Variants in GNG7 observed in about 807,000 individuals in gnomAD.
GNG7 encodes guanine nucleotide-binding protein G(I)/G(S)/G(O) subunit gamma-7.
GNG7 carries 1 observed loss-of-function variant against 4.0 expected under a neutral mutation model. The observed-to-expected ratio is 0.25, with a 90% CI of 0.09 to 1.18. The LOEUF (loss-of-function observed/expected upper bound fraction) is 1.18, where lower values mean the gene tolerates loss of function less well. Ranked by LOEUF, GNG7 falls within the 50% of genes most tolerant of loss-of-function variation. The pLI, the probability that GNG7 is intolerant of heterozygous loss-of-function variation, is 0.50. For missense variants in GNG7, 86 were observed against 91.9 expected (o/e 0.94, Z 0.26); for synonymous variants, 34 against 36.9 (o/e 0.92, Z 0.29).
intron 2 of GNG7, among the ~76,000 whole-genome samples, chr19:2,604,029 T>G (rs1405605870): frequency 6.6e-6 from 1 of 152,006 alleles, no homozygotes; most frequent in Non-Finnish European, 1.5e-5. Flanking sequence ...TTTTTGTATT[T>G]TTAGTAGAGA....
chr19:2,661,341 A>AAAGGAAGG (rs1568277874), intron 1 of GNG7, among the ~76,000 whole-genome samples: 1 of 148,980 alleles, frequency 6.7e-6, no homozygotes, highest in African/African-American at 2.5e-5. Flanking sequence ...AGAAAGAAAG[A>AAAGGAAGG]AAGAAAGAAA....
At chr19:2,657,361 A>AAAAAAAAAATATATATATAT (rs1555701153) in intron 1 of GNG7, among the ~76,000 whole-genome samples, 1 of 16,336 alleles carries the variant, frequency 6.1e-5, no homozygotes, top group Non-Finnish European at 1.0e-4. Flanking sequence ...AAAAAAAAAA[A>AAAAAAAAAATATATATATAT]ATATATATAT....
At chr19:2,700,105 A>G (rs1258103137) in intron 1 of GNG7, among the ~76,000 whole-genome samples, 2 of 151,116 alleles carry the variant, frequency 1.3e-5, no homozygotes, top group African/African-American at 2.4e-5. Context: ...CAATAATAAT[A>G]AGACATATTT....
At chr19:2,685,112 G>A (rs1983839289) in intron 1 of GNG7, among the ~76,000 whole-genome samples, 1 of 150,388 alleles carries the variant, frequency 6.6e-6, no homozygotes, top group South Asian at 2.1e-4. Context: ...TGACAAGAGC[G>A]AGACTCTGTC....
intron 1 of GNG7, among the ~76,000 whole-genome samples, chr19:2,680,782 C>T (rs1182300756): frequency 6.6e-6 from 1 of 151,834 alleles, no homozygotes. Flanking sequence ...CCATGTTGGT[C>T]AGGCTGGTCT....
At chr19:2,650,786 G>A (rs1599442141) in intron 1 of GNG7, among the ~76,000 whole-genome samples, 1 of 152,202 alleles carries the variant, frequency 6.6e-6, no homozygotes, top group Non-Finnish European at 1.5e-5. Flanking sequence ...GAAACGCTGT[G>A]TTTTCATGTT....
intron 1 of GNG7, among the ~76,000 whole-genome samples, chr19:2,651,766 A>G (rs1260910321): frequency 6.6e-6 from 1 of 151,634 alleles, no homozygotes; most frequent in African/African-American, 2.4e-5. Context: ...GTGTTATGCC[A>G]TATTGGCCAG....
At chr19:2,572,181 C>A (rs955466198) in intron 2 of GNG7, among the ~76,000 whole-genome samples, 5 of 151,452 alleles carry the variant, frequency 3.3e-5, no homozygotes, top group African/African-American at 1.2e-4. Flanking sequence ...ACCACAACAC[C>A]AGGCTAATTT....
chr19:2,547,972 C>A (rs973474069), intron 3 of GNG7, among the ~76,000 whole-genome samples: 1 of 152,200 alleles, frequency 6.6e-6, no homozygotes, highest in African/African-American at 2.4e-5. Context: ...GGATGGACCT[C>A]GAGCCTGGGG....
At chr19:2,685,580 G>C (rs895144707) in intron 1 of GNG7, among the ~76,000 whole-genome samples, 2 of 152,090 alleles carry the variant, frequency 1.3e-5, no homozygotes, top group Non-Finnish European at 2.9e-5. Context: ...AGCTGTGATC[G>C]CACCACTGCA....
At chr19:2,528,084 A>G (rs1398345641) in intron 3 of GNG7, among the ~76,000 whole-genome samples, 2 of 151,672 alleles carry the variant, frequency 1.3e-5, no homozygotes, top group African/African-American at 4.9e-5. Flanking sequence ...CCTGGCCAAC[A>G]TGGTGAAACC....
At chr19:2,601,533 G>C (rs1409690240) in intron 2 of GNG7, among the ~76,000 whole-genome samples, 1 of 152,114 alleles carries the variant, frequency 6.6e-6, no homozygotes, top group Non-Finnish European at 1.5e-5. Flanking sequence ...TGTCTCCACT[G>C]TTTGGCAGCA....
chr19:2,642,569 T>A, intron 2 of GNG7: 2 of 355,448 alleles, frequency 5.6e-6, no homozygotes, highest in South Asian at 4.2e-5. Flanking sequence ...TTTCACCATG[T>A]TGCCTGGGCT....
intron 2 of GNG7, chr19:2,595,416 G>A (rs1980987589): frequency 6.6e-6 from 1 of 151,618 alleles, no homozygotes; most frequent in African/African-American, 2.4e-5. Flanking sequence ...ATAGGTGTGA[G>A]CCACCATGCC....
At chr19:2,547,514 C>T (rs1212169915) in intron 3 of GNG7, among the ~76,000 whole-genome samples, 1 of 152,126 alleles carries the variant, frequency 6.6e-6, no homozygotes, top group African/African-American at 2.4e-5. Flanking sequence ...ACTGCGCCCC[C>T]CCACCCCGGA....
intron 3 of GNG7, among the ~76,000 whole-genome samples, chr19:2,549,081 AG>A (rs1390495649): frequency 6.6e-6 from 1 of 152,118 alleles, no homozygotes; most frequent in Non-Finnish European, 1.5e-5. Flanking sequence ...GGGGGACACT[AG>A]GTCTGGACAT....
intron 2 of GNG7, among the ~76,000 whole-genome samples, chr19:2,568,783 T>C (rs1161076330): frequency 1.4e-5 from 2 of 141,144 alleles, no homozygotes; most frequent in African/African-American, 5.6e-5. Flanking sequence ...TAAATACACA[T>C]ACACACATAT....
rs1468796466 is a variant in GNG7, at chr19:2,614,475, AC to A, written c.-78+31748del. Among the ~76,000 whole-genome samples, 19 of 151,108 alleles carry A rather than the reference AC, an allele frequency of 1.3e-4. No individual in the cohort carries two copies. The highest frequency in any genetic ancestry group is 1.3e-3 in the Admixed American group (19 of 15,166). Reference sequence around the variant, plus strand: ...TCCCCCTCCCCAGCCCCTGGCACCCACACATCCCCTTCCTGCCTCTCTAGAC... The same window carrying A: ...TCCCCCTCCCCAGCCCCTGGCACCCAACATCCCCTTCCTGCCTCTCTAGAC... On this transcript the variant is annotated intron_variant, in intron 2 of 4. Coordinates refer to ENST00000382159, the MANE Select transcript of GNG7 (RefSeq NM_052847.3). The surrounding 1 kb of genome is among the most constrained non-coding windows in gnomAD (Gnocchi z 6.0).
intron 1 of GNG7, among the ~76,000 whole-genome samples, chr19:2,646,544 A>G (rs139465636): frequency 6.6e-6 from 1 of 152,088 alleles, no homozygotes; most frequent in Non-Finnish European, 1.5e-5. Context: ...AAATTAGCCA[A>G]CGTGGTGGTG....
Sources: gnomAD v4.1 joint callset for allele counts (sites outside exome capture counted in the v4.1 genomes callset) on GRCh38, gnomAD v4.1.1 for gene constraint, Gnocchi (gnomAD v3.1) non-coding constraint, MANE v1.5 for transcripts, NCBI Gene and HGNC (gene_info 2026-07-23, HGNC 2026-07-21) for gene names.